The following GPC5 variants were observed in gnomAD, a reference collection of about 807,000 sequenced individuals.
GPC5 encodes the protein glypican-5.
Under a neutral mutation model 53.9 loss-of-function variants are expected in GPC5, and 47 were observed. That is an observed-to-expected ratio of 0.87 (90% CI 0.69 to 1.11). GPC5 has a LOEUF of 1.11. Ranked by LOEUF, GPC5 falls within the 50% of genes most tolerant of loss-of-function variation. The pLI is 0.00. For missense variants in GPC5, 748 were observed against 713.1 expected (o/e 1.05, Z -0.56); for synonymous variants, 286 against 263.3 (o/e 1.09, Z -0.84).
chr13:92,235,200 GT>G (rs1463407903), intron 7 of GPC5, among the ~76,000 whole-genome samples: 3 of 151,992 alleles, frequency 2.0e-5, no homozygotes, highest in Non-Finnish European at 2.9e-5. Context: ...TTCTGCTACA[GT>G]TTTTTAATCA....
At chr13:91,817,541 T>C (rs1283807690) in intron 5 of GPC5, among the ~76,000 whole-genome samples, 1 of 152,094 alleles carries the variant, frequency 6.6e-6, no homozygotes, top group Non-Finnish European at 1.5e-5. Flanking sequence ...ATGATACCAG[T>C]TTTTGGAATT....
chr13:92,858,769 G>A (rs1345799829), intron 7 of GPC5, among the ~76,000 whole-genome samples: 2 of 152,022 alleles, frequency 1.3e-5, no homozygotes, highest in Non-Finnish European at 2.9e-5. Context: ...TAATATACCT[G>A]TGTTACGAAC....
intron 7 of GPC5, among the ~76,000 whole-genome samples, chr13:92,157,706 T>G (rs1314591428): frequency 6.6e-6 from 1 of 152,126 alleles, no homozygotes; most frequent in Non-Finnish European, 1.5e-5. Context: ...TCTGGTGAGG[T>G]TTATCGTTAT....
intron 7 of GPC5, among the ~76,000 whole-genome samples, chr13:92,268,395 A>G (rs1241908258): frequency 6.6e-6 from 1 of 151,860 alleles, no homozygotes; most frequent in Non-Finnish European, 1.5e-5. Flanking sequence ...AGGCACAGAT[A>G]TATAACAAAA....
chr13:92,597,779 A>G (rs549989497), intron 7 of GPC5, among the ~76,000 whole-genome samples: 1 of 152,356 alleles, frequency 6.6e-6, no homozygotes, highest in South Asian at 2.1e-4. Flanking sequence ...ATCTGTCTTT[A>G]TGTTAGCCCT....
At chr13:92,097,617 G>A (rs1339104394) in intron 6 of GPC5, among the ~76,000 whole-genome samples, 1 of 152,196 alleles carries the variant, frequency 6.6e-6, no homozygotes, top group Non-Finnish European at 1.5e-5. Flanking sequence ...ACAAGCCTTT[G>A]CTCTACTGGA....
chr13:92,236,209 ATTG>A (rs2042568497), intron 7 of GPC5, among the ~76,000 whole-genome samples: 1 of 152,064 alleles, frequency 6.6e-6, no homozygotes. Flanking sequence ...TCTGTGTACT[ATTG>A]TTTTAAATAT....
intron 1 of GPC5, among the ~76,000 whole-genome samples, chr13:91,442,958 C>T (rs1880540938): frequency 6.6e-6 from 1 of 152,108 alleles, no homozygotes; most frequent in Non-Finnish European, 1.5e-5. Flanking sequence ...TACCTATTTG[C>T]TTCTTTCTTT....
At chr13:91,410,260 T>C (rs185526212) in intron 1 of GPC5, among the ~76,000 whole-genome samples, 142 of 152,048 alleles carry the variant, frequency 9.3e-4, no homozygotes, top group African/African-American at 3.4e-3. Flanking sequence ...TATTACAAAA[T>C]GTTCTTAGAT....
intron 7 of GPC5, among the ~76,000 whole-genome samples, chr13:92,554,548 A>C (rs1882429419): frequency 6.6e-6 from 1 of 151,630 alleles, no homozygotes; most frequent in Non-Finnish European, 1.5e-5. Flanking sequence ...GAATTATTTT[A>C]AAAACTTAAT....
At chr13:91,948,240 A>AATAAATAATAATAATAAT (rs1566357738) in intron 6 of GPC5, among the ~76,000 whole-genome samples, 1 of 147,934 alleles carries the variant, frequency 6.8e-6, no homozygotes, top group East Asian at 2.0e-4. Flanking sequence ...AAAAAAAAAA[A>AATAAATAATAATAATAAT]AAATAAATAA....
chr13:92,570,346 T>G (rs566926970), intron 7 of GPC5, among the ~76,000 whole-genome samples: 1 of 152,264 alleles, frequency 6.6e-6, no homozygotes, highest in South Asian at 2.1e-4. Context: ...ACATTTTAAA[T>G]AATTTAGATT....
chr13:91,823,369 C>CT (rs1174614218), intron 5 of GPC5, among the ~76,000 whole-genome samples: 1 of 152,008 alleles, frequency 6.6e-6, no homozygotes, highest in African/African-American at 2.4e-5. Context: ...AACAAAATGT[C>CT]TTTTTTTGTT....
chr13:91,920,924 CTCTTTTTTTTTTTT>C (rs1370113800), intron 6 of GPC5, among the ~76,000 whole-genome samples: 6 of 59,594 alleles, frequency 1.0e-4, no homozygotes, highest in East Asian at 6.8e-4. Flanking sequence ...CTCTCTCTCT[CTCTTTTTTTTTTTT>C]TTTTTTTTTT....
intron 7 of GPC5, among the ~76,000 whole-genome samples, chr13:92,369,259 C>G (rs2043631429): frequency 1.3e-5 from 2 of 152,224 alleles, no homozygotes; most frequent in Non-Finnish European, 2.9e-5. Context: ...TTTCAGTTCA[C>G]TGCACCCTCT....
intron 7 of GPC5, among the ~76,000 whole-genome samples, chr13:92,766,361 A>C (rs1409385550): frequency 2.0e-5 from 3 of 152,180 alleles, no homozygotes; most frequent in African/African-American, 7.2e-5. Context: ...ACAACATATA[A>C]AGTGAAAAAT....
intron 7 of GPC5, among the ~76,000 whole-genome samples, chr13:92,753,646 G>C (rs1874698614): frequency 6.6e-6 from 1 of 152,136 alleles, no homozygotes. Flanking sequence ...GGAGCTGATG[G>C]AGCTGAAAAC....
chr13:92,802,654 G>T (rs1876952586), intron 7 of GPC5, among the ~76,000 whole-genome samples: 1 of 151,694 alleles, frequency 6.6e-6, no homozygotes, highest in African/African-American at 2.4e-5. Flanking sequence ...TTCCTACAAA[G>T]GACATGAACT....
chr13:92,533,320 C>A (rs1881623049), intron 7 of GPC5, among the ~76,000 whole-genome samples: 1 of 152,104 alleles, frequency 6.6e-6, no homozygotes, highest in African/African-American at 2.4e-5. Flanking sequence ...AGCTAGCAAG[C>A]ATATCTTGAT....
Sources: allele counts gnomAD v4.1 joint callset (sites outside exome capture counted in the v4.1 genomes callset), GRCh38; gene constraint gnomAD v4.1.1; transcripts MANE v1.5; gene names NCBI Gene and HGNC (gene_info 2026-07-23, HGNC 2026-07-21).